TNR: variants seen among roughly 807,000 people sequenced by gnomAD.
The protein encoded by TNR is tenascin R, also known as tenascin-R.
In TNR, 45 loss-of-function variants were observed where a neutral mutation model predicts 150.4. The observed-to-expected ratio is 0.30, with a 90% CI of 0.24 to 0.38. The LOEUF (loss-of-function observed/expected upper bound fraction) is 0.38, where lower values mean the gene tolerates loss of function less well. TNR is among the 10% of genes least tolerant of loss of function. TNR has a pLI of 1.00. For synonymous variants in TNR, 687 were observed against 678.4 expected, an observed-to-expected ratio of 1.01 and a Z score of -0.20; for missense variants, 1,544 against 1,759.1, an observed-to-expected ratio of 0.88 and a Z score of 2.19.
At chr1:175,335,835 C>A (rs10912960) in intron 19 of TNR, 28 bp from the exon 20 acceptor site, 1 of 1,589,382 alleles carries the variant, frequency 6.3e-7, no homozygotes, top group Non-Finnish European at 8.6e-7. Flanking sequence ...AAACAAAAAA[C>A]AAACAAACAA....
intron 20 of TNR, among the ~76,000 whole-genome samples, chr1:175,331,051 T>TTCTTTCTTTCTTTCTGTCTG (rs1649785581): frequency 3.7e-5 from 4 of 106,702 alleles, no homozygotes; most frequent in African/African-American, 1.4e-4. Context: ...CTTTCTTTCT[T>TTCTTTCTTTCTTTCTGTCTG]TCTTTCTTTC....
At chr1:175,693,443 C>T (rs954647654) in intron 1 of TNR, among the ~76,000 whole-genome samples, 1 of 152,332 alleles carries the variant, frequency 6.6e-6, no homozygotes, top group South Asian at 2.1e-4. Flanking sequence ...TTTGCCAGGG[C>T]CCTAGAGCCC....
intron 1 of TNR, among the ~76,000 whole-genome samples, chr1:175,696,217 GTT>G (rs5778870): frequency 7.7e-4 from 31 of 40,462 alleles, no homozygotes; most frequent in Admixed American, 9.5e-4. Flanking sequence ...CCTTCCTGTA[GTT>G]TTTTTTTTTT....
intron 2 of TNR, among the ~76,000 whole-genome samples, chr1:175,439,800 A>C (rs77271602): frequency 0.5 from 76,642 of 152,052 alleles, 21,113 homozygotes; most frequent in African/African-American, 0.74. Context: ...GCCATCAGAG[A>C]AATGCAAATC....
intron 1 of TNR, among the ~76,000 whole-genome samples, chr1:175,718,324 TATGTTTCTGGATGAATA>T (rs1667209541): frequency 3.3e-5 from 5 of 152,220 alleles, no homozygotes; most frequent in Admixed American, 2.6e-4. Flanking sequence ...AATGCTCATT[TATGTTTCTGGATGAATA>T]ATCCCAGAAA....
intron 1 of TNR, among the ~76,000 whole-genome samples, chr1:175,703,122 T>C (rs1185695967): frequency 6.6e-6 from 1 of 152,198 alleles, no homozygotes; most frequent in Non-Finnish European, 1.5e-5. Flanking sequence ...GTTTTTTCTC[T>C]GATAGGCTAA....
rs889474956 is a variant in TNR, at chr1:175,640,335, T to C, written c.-165+102891A>G. 1.6e-4 allele frequency among the ~76,000 whole-genome samples: 24 copies of C among 152,298 alleles called. No individual in the cohort carries two copies. The East Asian group carries it at 4.4e-3, about 28-fold the overall frequency. On this transcript the variant is annotated intron_variant, in intron 1 of 22. Transcript: ENST00000367674. The stretch of plus-strand genomic sequence containing the variant: ...TCCTTTCAGAATATTTACCATGAAC[T>C]GTAAGGGCAATGAGCTCCTCAAGTA...
chr1:175,345,039 C>T (rs556749567), intron 18 of TNR, among the ~76,000 whole-genome samples: 5 of 151,474 alleles, frequency 3.3e-5, no homozygotes, highest in South Asian at 2.1e-4. Flanking sequence ...ACCCGGGAGA[C>T]GGAGGTTGCA....
intron 2 of TNR, among the ~76,000 whole-genome samples, chr1:175,473,992 G>A (rs1210935472): frequency 3.3e-5 from 5 of 152,134 alleles, no homozygotes; most frequent in African/African-American, 9.7e-5. Flanking sequence ...AGGCAGAGGG[G>A]TATCATTTTA....
At chr1:175,700,103 T>C (rs1289586403) in intron 1 of TNR, among the ~76,000 whole-genome samples, 3 of 150,882 alleles carry the variant, frequency 2.0e-5, no homozygotes, top group Non-Finnish European at 3.0e-5. Flanking sequence ...AGGGAGCACG[T>C]TGGATGGAAG....
intron 2 of TNR, among the ~76,000 whole-genome samples, chr1:175,499,895 T>TG (rs1658659966): frequency 6.6e-6 from 1 of 152,204 alleles, no homozygotes; most frequent in South Asian, 2.1e-4. Context: ...AAGATTGAAC[T>TG]TGTTTGACAA....
intron 1 of TNR, among the ~76,000 whole-genome samples, chr1:175,589,073 T>C (rs1315145953): frequency 6.6e-6 from 1 of 152,144 alleles, no homozygotes; most frequent in Non-Finnish European, 1.5e-5. Context: ...TCTTAGTCAG[T>C]GTCCACAGTA....
chr1:175,686,241 T>C (rs1172817048), intron 1 of TNR, among the ~76,000 whole-genome samples: 2 of 152,226 alleles, frequency 1.3e-5, no homozygotes, highest in Non-Finnish European at 1.5e-5. Context: ...TCCCCCAAGT[T>C]CATTTCCTGA....
chr1:175,485,103 T>C (rs1246893917), intron 2 of TNR, among the ~76,000 whole-genome samples: 1 of 152,202 alleles, frequency 6.6e-6, no homozygotes, highest in Admixed American at 6.5e-5. Flanking sequence ...CAGAGTTTGA[T>C]AGTATAGAAA....
At chr1:175,494,615 T>G (rs763013804) in intron 2 of TNR, among the ~76,000 whole-genome samples, 27 of 152,328 alleles carry the variant, frequency 1.8e-4, no homozygotes, top group Admixed American at 1.1e-3. Context: ...GGCTCCTGGT[T>G]GCCTGTTTAT....
intron 2 of TNR, among the ~76,000 whole-genome samples, chr1:175,483,941 G>T (rs1206478461): frequency 6.6e-6 from 1 of 152,164 alleles, no homozygotes; most frequent in African/African-American, 2.4e-5. Flanking sequence ...AGATTTCCAT[G>T]GTTCCAGCAC....
chr1:175,542,587 T>A (rs1245391738), intron 1 of TNR, among the ~76,000 whole-genome samples: 1 of 152,168 alleles, frequency 6.6e-6, no homozygotes, highest in East Asian at 1.9e-4. Context: ...CACCCACACC[T>A]CCAAGCAATG....
At chr1:175,591,841 G>A (rs1246146798) in intron 1 of TNR, among the ~76,000 whole-genome samples, 1 of 152,132 alleles carries the variant, frequency 6.6e-6, no homozygotes, top group African/African-American at 2.4e-5. Context: ...GCAATATGAG[G>A]GAATGAATGT....
intron 13 of TNR, among the ~76,000 whole-genome samples, chr1:175,363,178 A>T (rs1188872680): frequency 1.3e-5 from 2 of 152,184 alleles, no homozygotes; most frequent in East Asian, 3.9e-4. Flanking sequence ...ACTGGAAGTG[A>T]GTGTGCCCTC....
Sources: allele counts gnomAD v4.1 joint callset (sites outside exome capture counted in the v4.1 genomes callset), GRCh38; gene constraint gnomAD v4.1.1; transcripts MANE v1.5; gene names NCBI Gene and HGNC (gene_info 2026-07-23, HGNC 2026-07-21).